RUNDC3B: variants seen among roughly 807,000 people sequenced by gnomAD.
RUNDC3B encodes RUN domain-containing protein 3B.
RUNDC3B carries 33 observed loss-of-function variants against 58.4 expected under a neutral mutation model. The observed-to-expected ratio is 0.56, with a 90% confidence interval of 0.43 to 0.75. The LOEUF is 0.75. RUNDC3B is among the 30% of genes least tolerant of loss of function. RUNDC3B has a pLI of 0.00. For missense variants in RUNDC3B, 501 were observed against 535.7 expected (o/e 0.94, Z 0.64); for synonymous variants, 193 against 195.2 (o/e 0.99, Z 0.10).
In RUNDC3B at chr7:87,750,115, G is replaced by T. The variant is rs973896324; in HGVS notation, c.629+8536G>T. On this transcript the variant is annotated intron_variant, in intron 6 of 10. Transcript: ENST00000394654. ...CATTGTTCAATTCCCACCTATGAGT[G>T]AGAATATGTGGTGTTTGGTTTTTTG... Among the ~76,000 whole-genome samples, 13 of 151,934 alleles carry T rather than the reference G, an allele frequency of 8.6e-5. 1 individual carries two copies. Among genetic ancestry groups the T allele is most frequent in the African/African-American group, 3.1e-4 (13 of 41,456 alleles).
chr7:87,659,026 G>A lies in RUNDC3B; in HGVS notation c.238+8089G>A, dbSNP rs552352954. On this transcript the variant is annotated intron_variant, in intron 2 of 10. Transcript: ENST00000394654. Reference sequence around the variant, plus strand: ...AAATTAATCAGACATGGTGATATGCGTCTGTGGGTCCCACCTATTTGGGCG... The same window carrying A: ...AAATTAATCAGACATGGTGATATGCATCTGTGGGTCCCACCTATTTGGGCG... Among the ~76,000 whole-genome samples, 7 of 152,162 alleles carry A rather than the reference G, an allele frequency of 4.6e-5. No individual in the cohort carries two copies. In the South Asian group the frequency reaches 6.2e-4, roughly 14 times the overall value.
At chr7:87,658,772 A>G (rs1824394524) in intron 2 of RUNDC3B, among the ~76,000 whole-genome samples, 2 of 152,220 alleles carry the variant, frequency 1.3e-5, no homozygotes, top group Non-Finnish European at 2.9e-5. Flanking sequence ...ATTATTCTTC[A>G]GCAATGAAGG....
chr7:87,730,916 T>C (rs1011432037), intron 4 of RUNDC3B, among the ~76,000 whole-genome samples: 8 of 151,518 alleles, frequency 5.3e-5, no homozygotes, highest in African/African-American at 1.9e-4. Flanking sequence ...AGAACAAGAG[T>C]TTCCACCTGA....
chr7:87,685,926 T>A (rs1827413632), intron 2 of RUNDC3B, among the ~76,000 whole-genome samples: 1 of 152,196 alleles, frequency 6.6e-6, no homozygotes, highest in Non-Finnish European at 1.5e-5. Flanking sequence ...CCTCACTTAT[T>A]TTAGAAAGCT....
intron 2 of RUNDC3B, among the ~76,000 whole-genome samples, chr7:87,675,653 C>CAAAAAAAAAAAAAAA (rs200136132): frequency 2.4e-4 from 16 of 65,800 alleles, no homozygotes; most frequent in African/African-American, 3.5e-4. Context: ...TATTCACATG[C>CAAAAAAAAAAAAAAA]AAAAAAAAAA....
intron 6 of RUNDC3B, among the ~76,000 whole-genome samples, chr7:87,755,435 C>G (rs1289210937): frequency 6.6e-6 from 1 of 151,934 alleles, no homozygotes; most frequent in African/African-American, 2.4e-5. Context: ...AGAGATAGAA[C>G]AAAAAAGGAA....
chr7:87,700,632 A>C, intron 3 of RUNDC3B, 78 bp downstream of exon 3: 15 of 1,319,050 alleles, frequency 1.1e-5, no homozygotes, highest in Non-Finnish European at 1.6e-5. Context: ...GTGTGAAGCT[A>C]CTTACTATGA....
At chr7:87,633,284 A>G (rs974083567) in intron 1 of RUNDC3B, among the ~76,000 whole-genome samples, 6 of 152,206 alleles carry the variant, frequency 3.9e-5, no homozygotes, top group South Asian at 2.1e-4. Flanking sequence ...ACAACACATA[A>G]TATTTACAAT....
At chr7:87,667,948 T>A (rs1241831596) in intron 2 of RUNDC3B, among the ~76,000 whole-genome samples, 1 of 152,092 alleles carries the variant, frequency 6.6e-6, no homozygotes, top group African/African-American at 2.4e-5. Flanking sequence ...GAAATTTTCT[T>A]TTTTTGTTGT....
At chr7:87,788,249 C>G (rs908177311) in intron 8 of RUNDC3B, among the ~76,000 whole-genome samples, 1 of 152,096 alleles carries the variant, frequency 6.6e-6, no homozygotes, top group Non-Finnish European at 1.5e-5. Flanking sequence ...ACAGCAAGAC[C>G]CCCATCTCTA....
intron 7 of RUNDC3B, among the ~76,000 whole-genome samples, chr7:87,777,158 T>C (rs1330522411): frequency 6.6e-6 from 1 of 152,194 alleles, no homozygotes; most frequent in African/African-American, 2.4e-5. Flanking sequence ...ATTACGTGTT[T>C]ACTAATAATA....
At chr7:87,665,821 T>C (rs1227395849) in intron 2 of RUNDC3B, among the ~76,000 whole-genome samples, 1 of 152,140 alleles carries the variant, frequency 6.6e-6, no homozygotes, top group Non-Finnish European at 1.5e-5. Flanking sequence ...ATTATTTCAC[T>C]TAGGAATGAT....
At chr7:87,712,408 C>A (rs1033131436) in intron 4 of RUNDC3B, among the ~76,000 whole-genome samples, 1 of 151,924 alleles carries the variant, frequency 6.6e-6, no homozygotes, top group Non-Finnish European at 1.5e-5. Flanking sequence ...AACAAAGAAT[C>A]GTATCAGAAT....
At chr7:87,641,046 T>C (rs1436569436) in intron 1 of RUNDC3B, among the ~76,000 whole-genome samples, 1 of 152,212 alleles carries the variant, frequency 6.6e-6, no homozygotes, top group Non-Finnish European at 1.5e-5. Flanking sequence ...TCTCTCTTAC[T>C]CCTTTCTTTG....
At chr7:87,829,262 TTGTC>T (rs1563239849) in intron 10 of RUNDC3B, among the ~76,000 whole-genome samples, 1 of 152,200 alleles carries the variant, frequency 6.6e-6, no homozygotes, top group Non-Finnish European at 1.5e-5. Context: ...ATTCTGGAGG[TTGTC>T]TGTTTACCCT....
At chr7:87,799,515 A>G (rs1354177642) in intron 8 of RUNDC3B, among the ~76,000 whole-genome samples, 1 of 152,140 alleles carries the variant, frequency 6.6e-6, no homozygotes, top group Non-Finnish European at 1.5e-5. Flanking sequence ...TTGATAGCCT[A>G]TGATTTTCTC....
intron 6 of RUNDC3B, among the ~76,000 whole-genome samples, chr7:87,748,265 T>G (rs1832763216): frequency 6.6e-6 from 1 of 152,054 alleles, no homozygotes; most frequent in Admixed American, 6.5e-5. Context: ...CCAGTGGGGG[T>G]GTGTGTTTGG....
chr7:87,785,086 G>A (rs1295369556), intron 8 of RUNDC3B, among the ~76,000 whole-genome samples: 1 of 152,058 alleles, frequency 6.6e-6, no homozygotes, highest in Non-Finnish European at 1.5e-5. Context: ...TATAGCTCGT[G>A]TGGTGCCTGC....
intron 6 of RUNDC3B, among the ~76,000 whole-genome samples, chr7:87,750,951 G>C (rs912710492): frequency 2.0e-5 from 3 of 152,088 alleles, no homozygotes; most frequent in African/African-American, 4.8e-5. Context: ...TGAAGTCCTT[G>C]CCCATGCCTA....
Sources: allele counts gnomAD v4.1 joint callset (sites outside exome capture counted in the v4.1 genomes callset), GRCh38; gene constraint gnomAD v4.1.1; transcripts MANE v1.5; gene names NCBI Gene and HGNC (gene_info 2026-07-23, HGNC 2026-07-21).